The following PHACTR1 variants were observed in gnomAD, a reference collection of about 807,000 sequenced individuals.
The protein encoded by PHACTR1 is phosphatase and actin regulator 1, also known as RPEL repeat containing 1.
In PHACTR1, 16 loss-of-function variants were observed where a neutral mutation model predicts 69.2. That is an observed-to-expected ratio of 0.23 (90% CI 0.16 to 0.35). The LOEUF (loss-of-function observed/expected upper bound fraction) is 0.35, where lower values mean the gene tolerates loss of function less well. PHACTR1 is among the 10% of genes least tolerant of loss of function. PHACTR1 has a pLI of 1.00. For synonymous variants in PHACTR1, 312 were observed against 284.5 expected, an observed-to-expected ratio of 1.10 and a Z score of -0.97; for missense variants, 510 against 734.7, an observed-to-expected ratio of 0.69 and a Z score of 3.54.
chr6:13,159,590 G>A (rs1317707356), intron 5 of PHACTR1, among the ~76,000 whole-genome samples: 1 of 152,184 alleles, frequency 6.6e-6, no homozygotes, highest in Non-Finnish European at 1.5e-5. Flanking sequence ...ACTCTGACAA[G>A]TTGTTGAGCT....
chr6:13,201,993 C>T (rs1043563319), intron 7 of PHACTR1, among the ~76,000 whole-genome samples: 4 of 152,302 alleles, frequency 2.6e-5, no homozygotes, highest in South Asian at 4.1e-4. Context: ...TGCTTTTATT[C>T]GCTGCCCTTT....
At chr6:13,071,681 T>G (rs1299321379) in intron 5 of PHACTR1, among the ~76,000 whole-genome samples, 1 of 152,176 alleles carries the variant, frequency 6.6e-6, no homozygotes, top group Non-Finnish European at 1.5e-5. Flanking sequence ...AATGGGAGTT[T>G]CTAAAATAAA....
rs142723259 is a variant in PHACTR1 at position 13,208,232 on chromosome 6, A to G, written c.986+2096A>G. Among the ~76,000 whole-genome samples, 421 of 152,302 alleles carry G rather than the reference A, an allele frequency of 2.8e-3. 1 individual carries two copies. Among genetic ancestry groups the G allele is most frequent in the African/African-American group, 9.7e-3 (403 of 41,566 alleles). On this transcript the variant is annotated intron_variant, in intron 8 of 14. Transcript: ENST00000332995. The stretch of plus-strand genomic sequence containing the variant: ...TGGAGAAACTAAGGGAGGTTCACTA[A>G]GTTCCCCAAAGCCACCTTCTCAAAG...
intron 4 of PHACTR1, among the ~76,000 whole-genome samples, chr6:12,988,509 G>C (rs1019848406): frequency 2.0e-5 from 3 of 152,174 alleles, no homozygotes; most frequent in Non-Finnish European, 4.4e-5. Flanking sequence ...TATGAATGAA[G>C]ATATGTCCAT....
At chr6:12,951,705 G>C (rs904670460) in intron 4 of PHACTR1, among the ~76,000 whole-genome samples, 3 of 152,198 alleles carry the variant, frequency 2.0e-5, no homozygotes, top group African/African-American at 7.2e-5. Flanking sequence ...CCTGAGCCTG[G>C]CCTCCTAGCA....
At chr6:12,966,858 A>C (rs1026861765) in intron 4 of PHACTR1, among the ~76,000 whole-genome samples, 1 of 152,214 alleles carries the variant, frequency 6.6e-6, no homozygotes, top group Admixed American at 6.5e-5. Flanking sequence ...ATGGAGCTAC[A>C]GGTGACTTAC....
At chr6:13,097,453 C>T (rs79622106) in intron 5 of PHACTR1, among the ~76,000 whole-genome samples, 1,996 of 152,022 alleles carry the variant, frequency 0.013, 45 homozygotes, top group African/African-American at 0.045. Flanking sequence ...TTACACTGAT[C>T]GTGAGAGATT....
At chr6:13,178,762 C>G (rs955388223) in intron 6 of PHACTR1, among the ~76,000 whole-genome samples, 1 of 152,188 alleles carries the variant, frequency 6.6e-6, no homozygotes, top group African/African-American at 2.4e-5. Context: ...TGTAAAACAT[C>G]AGCATAATTT....
At chr6:13,285,939 T>A (rs1465539420) in intron 13 of PHACTR1, among the ~76,000 whole-genome samples, 1 of 152,242 alleles carries the variant, frequency 6.6e-6, no homozygotes, top group South Asian at 2.1e-4. Context: ...TAGCCTGTCA[T>A]CATTTGCAAC....
intron 4 of PHACTR1, among the ~76,000 whole-genome samples, chr6:12,807,369 G>A (rs1469059318): frequency 2.0e-5 from 3 of 152,056 alleles, no homozygotes; most frequent in South Asian, 2.1e-4. Context: ...CTTTTATTCC[G>A]CAACAGGCTG....
intron 5 of PHACTR1, among the ~76,000 whole-genome samples, chr6:13,158,134 G>A (rs1043413475): frequency 2.6e-5 from 4 of 151,938 alleles, no homozygotes; most frequent in African/African-American, 7.3e-5. Flanking sequence ...CACACACCTC[G>A]GCCTCCCAAA....
intron 5 of PHACTR1, among the ~76,000 whole-genome samples, chr6:13,124,922 A>G (rs1218515309): frequency 6.6e-6 from 1 of 152,248 alleles, no homozygotes; most frequent in Admixed American, 6.5e-5. Flanking sequence ...TGAGAGGACA[A>G]AAATGGCCAG....
chr6:13,262,240 A>G (rs571623015), intron 10 of PHACTR1, among the ~76,000 whole-genome samples: 1 of 152,170 alleles, frequency 6.6e-6, no homozygotes, highest in Non-Finnish European at 1.5e-5. Context: ...TTCAGACAGG[A>G]TGATTCCCAG....
At chr6:13,035,227 A>G (rs1803134381) in intron 4 of PHACTR1, among the ~76,000 whole-genome samples, 1 of 152,226 alleles carries the variant, frequency 6.6e-6, no homozygotes, top group Non-Finnish European at 1.5e-5. Flanking sequence ...TTATTAATCT[A>G]TAAATACTTC....
chr6:12,948,891 T>A (rs1790961774), intron 4 of PHACTR1, among the ~76,000 whole-genome samples: 1 of 152,196 alleles, frequency 6.6e-6, no homozygotes, highest in Non-Finnish European at 1.5e-5. Context: ...GTGTGGAAAG[T>A]CATAAGAGCA....
intron 4 of PHACTR1, among the ~76,000 whole-genome samples, chr6:12,810,498 T>C (rs562810116): frequency 6.6e-6 from 1 of 152,338 alleles, no homozygotes; most frequent in Non-Finnish European, 1.5e-5. Context: ...GTTCTCTCAG[T>C]GGATGGGGTT....
intron 4 of PHACTR1, among the ~76,000 whole-genome samples, chr6:12,862,958 T>TGTTCC (rs2127428098): frequency 6.6e-6 from 1 of 152,352 alleles, no homozygotes; most frequent in South Asian, 2.1e-4. Flanking sequence ...ACCCCAGAGC[T>TGTTCC]ACCCCTTACC....
chr6:12,823,091 C>T (rs1776400950), intron 4 of PHACTR1, among the ~76,000 whole-genome samples: 1 of 152,176 alleles, frequency 6.6e-6, no homozygotes, highest in South Asian at 2.1e-4. Context: ...ATTGCAAAAC[C>T]TAATTTTCTG....
In PHACTR1 at chr6:13,136,523, C is replaced by A. The variant is rs557871745; in HGVS notation, c.416-23681C>A. ...CTCCATATCAGCAACAAGGCTGTTT[C>A]ACTTGTTTATCATTCATGTATTCAC... On this transcript the variant is annotated intron_variant, in intron 5 of 14. Coordinates refer to ENST00000332995, the MANE Select transcript of PHACTR1 (RefSeq NM_030948.6). 2.6e-5 allele frequency among the ~76,000 whole-genome samples: 4 copies of A among 152,382 alleles called. No homozygotes were observed. The South Asian group carries it at 8.3e-4, about 32-fold the overall frequency.
Sources: gnomAD v4.1 joint callset for allele counts (sites outside exome capture counted in the v4.1 genomes callset) on GRCh38, gnomAD v4.1.1 for gene constraint, MANE v1.5 for transcripts, NCBI Gene and HGNC (gene_info 2026-07-23, HGNC 2026-07-21) for gene names.